Variants in COL24A1 observed in about 807,000 individuals in gnomAD.
The protein encoded by COL24A1 is collagen alpha-1(XXIV) chain.
A neutral mutation model predicts 253.9 loss-of-function variants in COL24A1; 224 were observed. The observed-to-expected ratio is 0.88, with a 90% CI of 0.79 to 0.99. The LOEUF (loss-of-function observed/expected upper bound fraction) is 0.99, where lower values mean the gene tolerates loss of function less well. Among genes scored for constraint, COL24A1 ranks in the 50% least tolerant of loss-of-function variants. COL24A1 has a pLI of 0.00. For synonymous variants in COL24A1, 685 were observed against 673.7 expected, an observed-to-expected ratio of 1.02 and a Z score of -0.26; for missense variants, 2,131 against 2,068.5, an observed-to-expected ratio of 1.03 and a Z score of -0.59.
chr1:85,776,735 G>T (rs1313271435), intron 52 of COL24A1, among the ~76,000 whole-genome samples: 2 of 151,894 alleles, frequency 1.3e-5, no homozygotes, highest in Non-Finnish European at 2.9e-5. Context: ...TTTTGTTAAA[G>T]ACTGTCTTCC....
intron 47 of COL24A1, among the ~76,000 whole-genome samples, chr1:85,810,259 G>A (rs1672395882): frequency 2.0e-5 from 3 of 152,112 alleles, no homozygotes; most frequent in Admixed American, 2.0e-4. Context: ...GTTTAAAAAT[G>A]TCATGGCAAT....
intron 10 of COL24A1, among the ~76,000 whole-genome samples, chr1:86,055,364 A>G (rs1700593476): frequency 6.6e-6 from 1 of 152,202 alleles, no homozygotes; most frequent in Non-Finnish European, 1.5e-5. Flanking sequence ...CACACTCCCA[A>G]GTGTGAAACC....
chr1:85,926,298 C>A (rs995430989), intron 24 of COL24A1, among the ~76,000 whole-genome samples: 2 of 152,102 alleles, frequency 1.3e-5, no homozygotes, highest in Non-Finnish European at 2.9e-5. Flanking sequence ...CTAGAAATAC[C>A]ATTTGACCCA....
At chr1:85,945,187 T>G (rs1355324297) in intron 24 of COL24A1, among the ~76,000 whole-genome samples, 1 of 151,052 alleles carries the variant, frequency 6.6e-6, no homozygotes, top group East Asian at 2.0e-4. Context: ...CTGGCTAATT[T>G]TTTGTATTTT....
At chr1:85,770,547 T>C (rs376421628) in intron 53 of COL24A1, among the ~76,000 whole-genome samples, 2 of 152,062 alleles carry the variant, frequency 1.3e-5, no homozygotes, top group Non-Finnish European at 2.9e-5. Context: ...TGGGTAATCA[T>C]GTGAGATGAA....
At chr1:85,817,184 C>A (rs1673125472) in intron 46 of COL24A1, among the ~76,000 whole-genome samples, 1 of 152,108 alleles carries the variant, frequency 6.6e-6, no homozygotes, top group Non-Finnish European at 1.5e-5. Flanking sequence ...ATTGTGTCAA[C>A]CAATATTTTA....
At chr1:85,950,339 C>T (rs548526004) in intron 24 of COL24A1, among the ~76,000 whole-genome samples, 5 of 152,004 alleles carry the variant, frequency 3.3e-5, no homozygotes, top group Middle Eastern at 3.4e-3. Context: ...AAACATATTA[C>T]GGATGTAGAA....
intron 19 of COL24A1, among the ~76,000 whole-genome samples, chr1:86,015,469 G>T (rs1696902953): frequency 6.6e-6 from 1 of 152,096 alleles, no homozygotes; most frequent in Non-Finnish European, 1.5e-5. Flanking sequence ...TGAAAACATG[G>T]CGCATGCATC....
At position 85,908,610 on chromosome 1, in the gene COL24A1, T is replaced by C. The variant is rs373179301; in HGVS notation, c.2712A>G (p.Pro904=). The C allele has an allele frequency of 4.8e-4, 716 of 1,486,994 alleles. No homozygotes were observed. The highest frequency in any genetic ancestry group is 5.8e-4 in the Non-Finnish European group (640 of 1,107,194). The allele number at this position is 1,486,994 out of a possible 1,614,324, so 92.1% of individuals were successfully genotyped here. ...TTCCTGTACTTACAGGTAATCCCAA[T>C]GGACCGATAGGTCCTGGAACCCCAG... is the stretch of plus-strand genomic sequence containing the variant. ...GPPGVPGPIG[P]LGLPGHVGAR... is the part of the protein sequence containing the mutation. The change falls in exon 27 of 60, where the codon CCA becomes CCG. Residue 904 remains proline, a synonymous_variant. Coordinates refer to ENST00000370571, the MANE Select transcript of COL24A1 (RefSeq NM_152890.7).
chr1:86,028,748 A>G lies in COL24A1; in HGVS notation c.2049+3130T>C, dbSNP rs371543706. 1.4e-4 allele frequency among the ~76,000 whole-genome samples: 22 copies of G among 152,346 alleles called. No individual in the cohort carries two copies. The East Asian group carries it at 2.3e-3, about 16-fold the overall frequency. On this transcript the variant is annotated intron_variant, in intron 14 of 59. Transcript: ENST00000370571. ...AATGGAGAAAGAGAAAATACAGAAG[A>G]TCCACTTATTTTTACTGAGTACTTT...
chr1:85,772,909 A>G (rs1265817321), intron 53 of COL24A1, among the ~76,000 whole-genome samples: 2 of 152,036 alleles, frequency 1.3e-5, no homozygotes, highest in East Asian at 1.9e-4. Flanking sequence ...TTTTGTTGTC[A>G]TTGCTTTTGG....
At chr1:85,877,695 T>C (rs1273172650) in intron 32 of COL24A1, among the ~76,000 whole-genome samples, 1 of 152,254 alleles carries the variant, frequency 6.6e-6, no homozygotes, top group African/African-American at 2.4e-5. Flanking sequence ...TTTACTAAGC[T>C]ATGCTTATAT....
At chr1:86,133,484 G>A (rs1649655946) in intron 2 of COL24A1, among the ~76,000 whole-genome samples, 1 of 152,110 alleles carries the variant, frequency 6.6e-6, no homozygotes, top group African/African-American at 2.4e-5. Flanking sequence ...TTGGCTGTGG[G>A]TTTGTCATAG....
intron 5 of COL24A1, among the ~76,000 whole-genome samples, chr1:86,108,661 G>C (rs1374447743): frequency 1.4e-5 from 2 of 138,306 alleles, no homozygotes; most frequent in South Asian, 2.4e-4. Context: ...TTTTAAATTA[G>C]CCAGGCATGG....
At chr1:86,022,687 A>G (rs1433413578) in intron 16 of COL24A1, 96 bp from the exon 17 acceptor site, 8 of 1,387,680 alleles carry the variant, frequency 5.8e-6, no homozygotes, top group South Asian at 1.4e-5. Context: ...TAATTTCTCT[A>G]TTTTTCTTAC....
chr1:85,949,968 T>G (rs1689730679), intron 24 of COL24A1, among the ~76,000 whole-genome samples: 1 of 152,172 alleles, frequency 6.6e-6, no homozygotes, highest in South Asian at 2.1e-4. Flanking sequence ...GGTTCTCTCA[T>G]GATTCTCAGC....
At chr1:85,916,351 G>A (rs1293702732) in intron 24 of COL24A1, among the ~76,000 whole-genome samples, 2 of 152,132 alleles carry the variant, frequency 1.3e-5, no homozygotes, top group Admixed American at 1.3e-4. Flanking sequence ...TCAGTCAAAA[G>A]GGCATAATTG....
chr1:85,730,834 T>C (rs1663403735), intron 59 of COL24A1, 142 bp from the exon 60 acceptor site: 2 of 784,408 alleles, frequency 2.5e-6, no homozygotes, highest in South Asian at 1.9e-5. Flanking sequence ...GCTCAATAAA[T>C]GGTAAAATTA....
chr1:85,952,848 C>G (rs2100595131), intron 24 of COL24A1, among the ~76,000 whole-genome samples: 1 of 152,286 alleles, frequency 6.6e-6, no homozygotes, highest in African/African-American at 2.4e-5. Flanking sequence ...ATGTTTGTAA[C>G]TTTTAAGTTT....
Sources: gnomAD v4.1 joint callset for allele counts (sites outside exome capture counted in the v4.1 genomes callset) on GRCh38, gnomAD v4.1.1 for gene constraint, MANE v1.5 for transcripts, NCBI Gene and HGNC (gene_info 2026-07-23, HGNC 2026-07-21) for gene names.